RGS6: variants seen among roughly 807,000 people sequenced by gnomAD.
The protein encoded by RGS6 is regulator of G-protein signaling 6.
Under a neutral mutation model 78.5 loss-of-function variants are expected in RGS6, and 30 were observed. The observed-to-expected ratio is 0.38, with a 90% CI of 0.29 to 0.52. RGS6 has a LOEUF of 0.52. Among genes scored for constraint, RGS6 ranks in the 20% least tolerant of loss-of-function variants. The pLI, the probability that RGS6 is intolerant of heterozygous loss-of-function variation, is 0.85. For missense variants in RGS6, 495 were observed against 609.7 expected, an observed-to-expected ratio of 0.81 and a Z score of 1.98; for synonymous variants, 206 against 206.0, an observed-to-expected ratio of 1.00 and a Z score of 0.00.
intron 2 of RGS6, among the ~76,000 whole-genome samples, chr14:72,002,331 A>G (rs1431388090): frequency 6.6e-6 from 1 of 152,186 alleles, no homozygotes; most frequent in Non-Finnish European, 1.5e-5. Context: ...AGGCAGATTC[A>G]GGGCTAAAGG....
At chr14:72,332,269 A>G (rs1049490041) in intron 2 of RGS6, among the ~76,000 whole-genome samples, 63 of 152,174 alleles carry the variant, frequency 4.1e-4, no homozygotes, top group African/African-American at 1.4e-3. Context: ...AGAGTCCTGA[A>G]CGCTTTGCCA....
intron 2 of RGS6, among the ~76,000 whole-genome samples, chr14:71,984,022 C>T (rs1041327242): frequency 7.9e-5 from 12 of 152,182 alleles, no homozygotes; most frequent in African/African-American, 2.9e-4. Context: ...TACTGTCCAA[C>T]TGGGGAGACC....
At chr14:72,146,277 A>G (rs1195681954) in intron 2 of RGS6, among the ~76,000 whole-genome samples, 3 of 152,192 alleles carry the variant, frequency 2.0e-5, no homozygotes, top group Non-Finnish European at 2.9e-5. Flanking sequence ...ACACTCTTGC[A>G]TTGGGGGTTA....
chr14:72,185,719 C>T (rs1014445734), intron 2 of RGS6, among the ~76,000 whole-genome samples: 18 of 152,102 alleles, frequency 1.2e-4, no homozygotes, highest in African/African-American at 3.4e-4. Flanking sequence ...CTGAGGTGAG[C>T]GGATTACTGA....
chr14:71,936,015 G>GATATATATATAT (rs55686505), intron 1 of RGS6, among the ~76,000 whole-genome samples: 7,885 of 63,312 alleles, frequency 0.12, 1,005 homozygotes, highest in Non-Finnish European at 0.18. Context: ...GAACTAATAG[G>GATATATATATAT]ATATATATAT....
chr14:71,891,582 G>T, the RGS6 span, among the ~76,000 whole-genome samples: 1 of 152,228 alleles, frequency 6.6e-6, no homozygotes, highest in Non-Finnish European at 1.5e-5. Flanking sequence ...CATGGATGGT[G>T]TTGGTTGAAG....
At chr14:71,990,719 TAC>T (rs1457812455) in intron 2 of RGS6, 10 of 455,916 alleles carry the variant, frequency 2.2e-5, no homozygotes, top group Non-Finnish European at 3.5e-5. Context: ...TCCTCCTCTC[TAC>T]ATGCTGCATT....
At chr14:72,619,437 A>G in the RGS6 span, 1 of 1,483,564 alleles carries the variant, frequency 6.7e-7, no homozygotes, top group Admixed American at 2.0e-5. Flanking sequence ...ACTGGCCCTA[A>G]CTTCTTGTAA....
In RGS6 at chr14:72,015,387, T is replaced by C. The variant is rs139871930; in HGVS notation, c.84+50512T>C. Among the ~76,000 whole-genome samples the C allele has an allele frequency of 3.0e-3, 450 of 152,310 alleles. 1 individual carries two copies. The highest frequency in any genetic ancestry group is 0.017 in the Middle Eastern group (5 of 294). On this transcript the variant is annotated intron_variant, in intron 2 of 17. Transcript: ENST00000553525. Reference sequence around the variant, plus strand: ...CTCCCATCAGTTCCAACCTCCAACATTGGGGATCAAATTTCAACATGAGAT... The same window carrying C: ...CTCCCATCAGTTCCAACCTCCAACACTGGGGATCAAATTTCAACATGAGAT...
chr14:72,168,400 G>A (rs1455914774), intron 2 of RGS6, among the ~76,000 whole-genome samples: 2 of 152,192 alleles, frequency 1.3e-5, no homozygotes. Context: ...CCAGGGTCCT[G>A]TGACCCAGAG....
chr14:72,612,146 G>A, the RGS6 span, among the ~76,000 whole-genome samples: 1 of 152,216 alleles, frequency 6.6e-6, no homozygotes, highest in Admixed American at 6.5e-5. Context: ...AAAACCCCCA[G>A]GGTGGACAAC....
intron 3 of RGS6, among the ~76,000 whole-genome samples, chr14:72,415,482 C>A (rs2093734709): frequency 6.6e-6 from 1 of 152,276 alleles, no homozygotes; most frequent in Non-Finnish European, 1.5e-5. Flanking sequence ...ACCCCTTGCG[C>A]TTCCTGGATG....
At chr14:72,274,223 A>G (rs1443656236) in intron 2 of RGS6, among the ~76,000 whole-genome samples, 1 of 152,198 alleles carries the variant, frequency 6.6e-6, no homozygotes, top group Non-Finnish European at 1.5e-5. Context: ...ACTATTCATC[A>G]TTGGCTCCGG....
chr14:72,278,426 G>A lies in RGS6; in HGVS notation c.85-73669G>A, dbSNP rs528317917. 1.6e-4 allele frequency among the ~76,000 whole-genome samples: 25 copies of A among 152,288 alleles called. No individual in the cohort carries two copies. In the South Asian group the frequency reaches 5.2e-3, roughly 32 times the overall value. ...TTTGCTTTGGGCTTGCTTTCCTACA[G>A]ACATTGACAGTGAGAGTTGTTTTTG... On this transcript the variant is annotated intron_variant, in intron 2 of 17. Transcript: ENST00000553525.
intron 14 of RGS6, among the ~76,000 whole-genome samples, chr14:72,517,733 A>C (rs1036860258): frequency 2.0e-5 from 3 of 152,216 alleles, no homozygotes; most frequent in Non-Finnish European, 2.9e-5. Context: ...TGGCTGGTTC[A>C]TTCTTACACA....
the RGS6 span, among the ~76,000 whole-genome samples, chr14:72,583,530 G>A: frequency 1.3e-5 from 2 of 151,748 alleles, no homozygotes; most frequent in Non-Finnish European, 2.9e-5. Flanking sequence ...GTTGATCTCA[G>A]CGTAGATCAA....
At chr14:72,329,285 C>A (rs562641356) in intron 2 of RGS6, among the ~76,000 whole-genome samples, 1 of 152,252 alleles carries the variant, frequency 6.6e-6, no homozygotes, top group Admixed American at 6.5e-5. Context: ...TGCTTCACGG[C>A]GCTTCTTATT....
intron 2 of RGS6, among the ~76,000 whole-genome samples, chr14:72,295,067 G>A (rs899930378): frequency 5.9e-5 from 9 of 151,990 alleles, no homozygotes; most frequent in African/African-American, 1.2e-4. Context: ...CGAGGCGGGC[G>A]GATCACGAGG....
chr14:72,018,624 T>TA (rs1350441821), intron 2 of RGS6, among the ~76,000 whole-genome samples: 1 of 152,234 alleles, frequency 6.6e-6, no homozygotes, highest in Admixed American at 6.5e-5. Context: ...GACAGAAACA[T>TA]ACGAGTCTCT....
Sources: gnomAD v4.1 joint callset for allele counts (sites outside exome capture counted in the v4.1 genomes callset) on GRCh38, gnomAD v4.1.1 for gene constraint, MANE v1.5 for transcripts, NCBI Gene and HGNC (gene_info 2026-07-23, HGNC 2026-07-21) for gene names.